The following SLC39A14 variants were observed in gnomAD, a reference collection of about 807,000 sequenced individuals.
SLC39A14 encodes the protein solute carrier family 39 member 14.
A neutral mutation model predicts 45.5 loss-of-function variants in SLC39A14; 19 were observed. The ratio of observed to expected loss-of-function variants is 0.42; its 90% CI spans 0.29 to 0.61. The LOEUF (loss-of-function observed/expected upper bound fraction) is 0.61, where lower values mean the gene tolerates loss of function less well. SLC39A14 is among the 20% of genes least tolerant of loss of function. The pLI, the probability that SLC39A14 is intolerant of heterozygous loss-of-function variation, is 0.22. For missense variants in SLC39A14, 447 were observed against 616.5 expected (o/e 0.73, Z 2.91); for synonymous variants, 264 against 251.3 (o/e 1.05, Z -0.48).
intron 1 of SLC39A14, among the ~76,000 whole-genome samples, chr8:22,377,127 A>T (rs193176169): frequency 4.6e-5 from 7 of 152,150 alleles, no homozygotes; most frequent in African/African-American, 1.7e-4. Flanking sequence ...CTGCTTCCCC[A>T]TTTATTTATG....
At chr8:22,388,767 G>A (rs902147377) in intron 1 of SLC39A14, among the ~76,000 whole-genome samples, 2 of 152,228 alleles carry the variant, frequency 1.3e-5, no homozygotes, top group East Asian at 1.9e-4. Context: ...GTGACCTTGA[G>A]CCAGAAGAAT....
Position 22,412,032 on chromosome 8 carries a change from G to T in SLC39A14, c.458-5G>T. 1 of 1,549,882 alleles carries T rather than the reference G, an allele frequency of 6.5e-7. No homozygotes were observed. The highest frequency in any genetic ancestry group is 8.7e-7 in the Non-Finnish European group (1 of 1,146,680). On this transcript the variant is annotated splice_polypyrimidine_tract_variant and splice_region_variant and intron_variant, in intron 3 of 8. Coordinates refer to ENST00000381237, the MANE Select transcript of SLC39A14 (RefSeq NM_001128431.4). ...GGTGGGGCTGGCCCTCCCTCCGCACGGCAGTGTGGGGATACGGTCTCCTCT... is the reference window on the plus strand; with the variant it reads ...GGTGGGGCTGGCCCTCCCTCCGCACTGCAGTGTGGGGATACGGTCTCCTCT...
intron 3 of SLC39A14, among the ~76,000 whole-genome samples, chr8:22,410,649 A>C (rs1835517217): frequency 6.6e-6 from 1 of 152,174 alleles, no homozygotes; most frequent in South Asian, 2.1e-4. Flanking sequence ...ACTAAGACCA[A>C]ACAAAATTAA....
Position 22,421,817 on chromosome 8 carries a change from G to C in SLC39A14, c.*2119G>C. 3.0e-6 allele frequency: 3 copies of C among 984,876 alleles called. No individual in the cohort carries two copies. The highest frequency in any genetic ancestry group is 3.6e-6 in the Non-Finnish European group (3 of 829,422). The allele number at this position is 984,876 out of a possible 1,614,324, so 61.0% of individuals were successfully genotyped here. On this transcript the variant is annotated 3_prime_UTR_variant, in exon 9 of 9. Transcript: ENST00000381237. ...AGTGGATTTCTAGTTTAGGAGAGGA[G>C]CTCAAAACTATAATCTTTAACAAAT...
intron 8 of SLC39A14, among the ~76,000 whole-genome samples, chr8:22,429,180 G>A (rs1836432210): frequency 6.6e-6 from 1 of 152,168 alleles, no homozygotes; most frequent in Admixed American, 6.5e-5. Flanking sequence ...GCTGAGGCAG[G>A]AGAATGGCAT....
In SLC39A14 at chr8:22,419,922, A is replaced by C. The variant is rs953625195; in HGVS notation, c.*224A>C. On this transcript the variant is annotated 3_prime_UTR_variant, in exon 9 of 9. Coordinates refer to ENST00000381237, the MANE Select transcript of SLC39A14 (RefSeq NM_001128431.4). ...AGCTAGTGCCTCTTGCCCTCTCCTC[A>C]CCTCCTTTTCTCTCAGTGACTCTGG... 23 of 1,229,914 alleles carry C rather than the reference A, an allele frequency of 1.9e-5. No individual in the cohort carries two copies. The African/African-American group carries it at 3.1e-4, about 16-fold the overall frequency. 76.2% of individuals were successfully genotyped at this position (1,229,914 alleles called of 1,614,324 possible).
intron 4 of SLC39A14, among the ~76,000 whole-genome samples, chr8:22,413,604 G>A (rs1289717414): frequency 6.6e-6 from 1 of 152,164 alleles, no homozygotes; most frequent in Non-Finnish European, 1.5e-5. Context: ...AAACAGCCCA[G>A]AGTTCCTTGA....
At chr8:22,418,082 T>C (rs1029170606) in intron 8 of SLC39A14, among the ~76,000 whole-genome samples, 1 of 152,108 alleles carries the variant, frequency 6.6e-6, no homozygotes, top group African/African-American at 2.4e-5. Context: ...TTTGTATTTT[T>C]AGTAGAGATG....
intron 1 of SLC39A14, among the ~76,000 whole-genome samples, chr8:22,381,562 G>T (rs1025204165): frequency 1.3e-5 from 2 of 152,214 alleles, no homozygotes; most frequent in Non-Finnish European, 2.9e-5. Context: ...GAGCCATAGC[G>T]CCCGGCCCCT....
chr8:22,395,988 G>A (rs1017846292), intron 1 of SLC39A14, among the ~76,000 whole-genome samples: 28 of 152,140 alleles, frequency 1.8e-4, no homozygotes, highest in Non-Finnish European at 1.5e-4. Context: ...TGGTGAGGTG[G>A]GTCTGTCCTC....
intron 7 of SLC39A14, among the ~76,000 whole-genome samples, chr8:22,416,888 T>C (rs1835918874): frequency 6.6e-6 from 1 of 152,144 alleles, no homozygotes; most frequent in African/African-American, 2.4e-5. Context: ...ATAGTGAGGA[T>C]TAAAGGAAAA....
Position 22,420,381 on chromosome 8 carries a change from G to C in SLC39A14, c.*683G>C. 1 of 985,444 alleles carries C rather than the reference G, an allele frequency of 1.0e-6. No individual in the cohort carries two copies. The highest frequency in any genetic ancestry group is 4.7e-5 in the South Asian group (1 of 21,288). 61.0% of individuals were successfully genotyped at this position (985,444 alleles called of 1,614,324 possible). Reference sequence around the variant, plus strand: ...GGATATTGATTTTGTAACAGCACCTGGTGTTTCACGGCTGTCCGAGTGAGC... The same window carrying C: ...GGATATTGATTTTGTAACAGCACCTCGTGTTTCACGGCTGTCCGAGTGAGC... On this transcript the variant is annotated 3_prime_UTR_variant, in exon 9 of 9. Transcript: ENST00000381237.
intron 2 of SLC39A14, among the ~76,000 whole-genome samples, chr8:22,405,577 C>T (rs1036908567): frequency 3.3e-5 from 5 of 152,194 alleles, no homozygotes; most frequent in Admixed American, 6.5e-5. Context: ...TCTTCCTCAG[C>T]GCCGCACTTG....
intron 3 of SLC39A14, 110 bp downstream of exon 3, chr8:22,408,606 C>A: frequency 9.7e-7 from 1 of 1,027,792 alleles, no homozygotes; most frequent in Non-Finnish European, 1.4e-6. Context: ...CCAGTGATGA[C>A]CAGGATGAGG....
rs576951128 is a variant in SLC39A14, at chr8:22,415,903, C to G, written c.885C>G (p.Asp295Glu). ...CTCAGCACTGCAGCAGTGAGCTGGA[C>G]GGCAAGGCGCCCATGGTGGACGAGA... The part of the protein sequence containing the change: ...MIPQHCSSEL[D>E]GKAPMVDEKV... The change falls in exon 6 of 9, where the codon GAC (aspartate) becomes GAG (glutamate). Residue 295 changes from aspartate (D) to glutamate (E), a missense_variant. Transcript: ENST00000381237. 1 of 1,610,710 alleles carries G rather than the reference C, an allele frequency of 6.2e-7. No individual in the cohort carries two copies. Among genetic ancestry groups the G allele is most frequent in the Non-Finnish European group, 8.5e-7 (1 of 1,178,500 alleles).
intron 2 of SLC39A14, among the ~76,000 whole-genome samples, chr8:22,405,411 G>A (rs1835154494): frequency 6.6e-6 from 1 of 152,212 alleles, no homozygotes; most frequent in African/African-American, 2.4e-5. Flanking sequence ...CACTTGGGAG[G>A]CTGAGGCAAG....
At chr8:22,392,362 C>T (rs1834123265) in intron 1 of SLC39A14, among the ~76,000 whole-genome samples, 1 of 152,154 alleles carries the variant, frequency 6.6e-6, no homozygotes, top group Non-Finnish European at 1.5e-5. Context: ...AAGTTCCTGG[C>T]AGGCCCCAAA....
intron 8 of SLC39A14, among the ~76,000 whole-genome samples, chr8:22,418,130 C>T (rs1363541544): frequency 6.6e-6 from 1 of 152,092 alleles, no homozygotes; most frequent in Non-Finnish European, 1.5e-5. Flanking sequence ...CTCGAACTCC[C>T]GGCCTCAGGT....
intron 1 of SLC39A14, among the ~76,000 whole-genome samples, chr8:22,378,419 A>G (rs2132181111): frequency 6.6e-6 from 1 of 152,244 alleles, no homozygotes; most frequent in East Asian, 1.9e-4. Context: ...CCAGGCTCAG[A>G]TGGTTGTGGA....
Sources: gnomAD v4.1 joint callset for allele counts (sites outside exome capture counted in the v4.1 genomes callset) on GRCh38, gnomAD v4.1.1 for gene constraint, MANE v1.5 for transcripts, NCBI Gene and HGNC (gene_info 2026-07-23, HGNC 2026-07-21) for gene names.